Variants in SLC4A2 observed in about 807,000 individuals in gnomAD.
The protein encoded by SLC4A2 is solute carrier family 4 member 2.
In SLC4A2, 36 loss-of-function variants were observed where a neutral mutation model predicts 115.0. That is an observed-to-expected ratio of 0.31 (90% confidence interval 0.24 to 0.41). SLC4A2 has a LOEUF of 0.41. Ranked by LOEUF, SLC4A2 falls within the 10% of genes least tolerant of loss-of-function variation. The probability of loss-of-function intolerance (pLI) is 1.00; values close to 1 mark genes in which losing one functional copy is unlikely to be tolerated. For missense variants in SLC4A2, 1,252 were observed against 1,705.6 expected, an observed-to-expected ratio of 0.73 and a Z score of 4.68; for synonymous variants, 708 against 708.3, an observed-to-expected ratio of 1.00 and a Z score of 0.01.
At chr7:151,066,257 G>A (rs1797226472) in intron 5 of SLC4A2, among the ~76,000 whole-genome samples, 1 of 152,272 alleles carries the variant, frequency 6.6e-6, no homozygotes, top group Non-Finnish European at 1.5e-5. Flanking sequence ...AGGAGCAGTT[G>A]ACGTTCGCAG....
intron 8 of SLC4A2, 92 bp from the exon 9 acceptor site, chr7:151,069,855 C>G: frequency 6.6e-7 from 1 of 1,515,836 alleles, no homozygotes; most frequent in Non-Finnish European, 9.1e-7. Context: ...CCGGCACCCA[C>G]CCACCTGTCC....
chr7:151,075,830 C>T (rs11766855), intron 21 of SLC4A2, 55 bp downstream of exon 21: 277,072 of 1,556,726 alleles, frequency 0.18, 26,524 homozygotes, highest in South Asian at 0.27. Flanking sequence ...TCCTGGTCTA[C>T]TTGGGTCACT....
Position 151,070,211 on chromosome 7 carries a change from C to G in SLC4A2, c.1314C>G (p.Phe438Leu). 1 of 1,614,146 alleles carries G rather than the reference C, an allele frequency of 6.2e-7. No individual in the cohort carries two copies. Among genetic ancestry groups the G allele is most frequent in the Non-Finnish European group, 8.5e-7 (1 of 1,180,040 alleles). Residue 438 changes from phenylalanine to leucine, a missense_variant, in exon 10 of 23, where the codon TTC (phenylalanine) becomes TTG (leucine). By Grantham distance (22) the Phe-to-Leu change is conservative. Transcript: ENST00000413384. ...CAAGTGATGAGAAGGACTTCTCCTTCCCCCGCAACATCTCAGCTGGCTCCC... is the reference window on the plus strand; with the variant it reads ...CAAGTGATGAGAAGGACTTCTCCTTGCCCCGCAACATCTCAGCTGGCTCCC... ...SHPSDEKDFS[F>L]PRNISAGSLG...
chr7:151,060,922 GTTGTTGGGTACCGTCACTTT>G lies in SLC4A2; in HGVS notation c.-63-999_-63-980del, dbSNP rs1563335968. ...CCCCAGCAACACACTGGGAGCATGG[GTTGTTGGGTACCGTCACTTT>G]TTGCCAGTCTTGGGTGCCCCCTGTG... is the stretch of plus-strand genomic sequence containing the variant. On this transcript the variant is annotated intron_variant, in intron 1 of 22. Coordinates refer to ENST00000413384, the MANE Select transcript of SLC4A2 (RefSeq NM_003040.4). The surrounding 1 kb of genome is among the most constrained non-coding windows in gnomAD (Gnocchi z 5.9). Among the ~76,000 whole-genome samples, 1 of 152,172 alleles carries G rather than the reference GTTGTTGGGTACCGTCACTTT, an allele frequency of 6.6e-6. No individual in the cohort carries two copies. The highest frequency in any genetic ancestry group is 1.9e-4 in the East Asian group (1 of 5,198).
rs1482490306 is a variant in SLC4A2, at chr7:151,067,983, G to A, written c.1076G>A (p.Arg359His). The A allele has an allele frequency of 1.9e-6, 3 of 1,604,538 alleles. No individual in the cohort carries two copies. The highest frequency in any genetic ancestry group is 2.5e-6 in the Non-Finnish European group (3 of 1,176,892). Residue 359 changes from arginine to histidine, a missense_variant, in exon 8 of 23, where the codon CGC (arginine) becomes CAC (histidine). Around this residue, in one of 14 missense-constraint regions of SLC4A2, gnomAD observed 29 missense variants for 80.9 expected, o/e 0.36. Transcript: ENST00000413384. Reference sequence around the variant, plus strand: ...GAGGACGTGGAGGAGGAGACTGAGCGCTGGGGGAAGCCCCACGTGGCCTCC... The same window carrying A: ...GAGGACGTGGAGGAGGAGACTGAGCACTGGGGGAAGCCCCACGTGGCCTCC... ...FEEDVEEETE[R>H]WGKPHVASLS...
chr7:151,069,577 G>C (rs1051166211), intron 8 of SLC4A2, among the ~76,000 whole-genome samples: 14 of 152,192 alleles, frequency 9.2e-5, no homozygotes, highest in Admixed American at 3.3e-4. Context: ...CTCACTTAGA[G>C]GAGAGTTTTC....
In SLC4A2 at chr7:151,072,083, G is replaced by A. The variant is rs1412099275; in HGVS notation, c.2482G>A (p.Ala828Thr). The change falls in exon 16 of 23, where the codon GCC becomes ACC. Residue 828 changes from alanine to threonine, a missense_variant. Transcript: ENST00000413384. ...FVSRFTQEIFAFLISLIFIYE... is the reference protein window; with the variant it reads ...FVSRFTQEIFTFLISLIFIYE... The stretch of plus-strand genomic sequence containing the variant: ...CTCCCGCTTCACCCAGGAGATCTTC[G>A]CCTTCTTGATCTCACTCATCTTCAT... 4 of 1,614,024 alleles carry A rather than the reference G, an allele frequency of 2.5e-6. No homozygotes were observed. The highest frequency in any genetic ancestry group is 2.2e-5 in the East Asian group (1 of 44,862).
At chr7:151,067,601 C>T (rs1220210424) in intron 7 of SLC4A2, among the ~76,000 whole-genome samples, 4 of 152,368 alleles carry the variant, frequency 2.6e-5, no homozygotes, top group African/African-American at 4.8e-5. Flanking sequence ...CTCTGAGGCA[C>T]GTAGCGTGCC....
intron 3 of SLC4A2, 31 bp downstream of exon 3, chr7:151,064,398 G>T: frequency 6.5e-7 from 1 of 1,535,052 alleles, no homozygotes; most frequent in South Asian, 1.2e-5. Flanking sequence ...GGGGGAGGTG[G>T]GGGGATCAGG....
Position 151,067,982 on chromosome 7 carries a change from C to T in SLC4A2, c.1075C>T (p.Arg359Cys), listed in dbSNP as rs2150371668. The T allele has an allele frequency of 5.6e-6, 9 of 1,604,842 alleles. No homozygotes were observed. The highest frequency in any genetic ancestry group is 2.3e-5 in the East Asian group (1 of 44,242). Reference sequence around the variant, plus strand: ...AGAGGACGTGGAGGAGGAGACTGAGCGCTGGGGGAAGCCCCACGTGGCCTC... The same window carrying T: ...AGAGGACGTGGAGGAGGAGACTGAGTGCTGGGGGAAGCCCCACGTGGCCTC... ...FEEDVEEETE[R>C]WGKPHVASLS... Residue 359 changes from arginine (R) to cysteine (C), a missense_variant, in exon 8 of 23, where the codon CGC (arginine) becomes TGC (cysteine). Around this residue, in one of 14 missense-constraint regions of SLC4A2, gnomAD observed 29 missense variants for 80.9 expected, o/e 0.36. Coordinates refer to ENST00000413384, the MANE Select transcript of SLC4A2 (RefSeq NM_003040.4).
Position 151,060,588 on chromosome 7 carries a change from A to AGCAGGGGAGGGGGT in SLC4A2, c.-64+831_-64+844dup, listed in dbSNP as rs1797011465. ...CAGAAGCTGCTTTGTGTTCTGGGAC[A>AGCAGGGGAGGGGGT]GCAGGGGAGGGGGTGCAGAGGAGTG... On this transcript the variant is annotated intron_variant, in intron 1 of 22. Transcript: ENST00000413384. The surrounding 1 kb of genome is among the most constrained non-coding windows in gnomAD (Gnocchi z 5.9). 6.6e-6 allele frequency among the ~76,000 whole-genome samples: 1 copy of AGCAGGGGAGGGGGT among 152,170 alleles called. No homozygotes were observed. Among genetic ancestry groups the AGCAGGGGAGGGGGT allele is most frequent in the Non-Finnish European group, 1.5e-5 (1 of 68,026 alleles).
chr7:151,062,894 C>T, intron 2 of SLC4A2: 1 of 1,393,438 alleles, frequency 7.2e-7, no homozygotes, highest in Non-Finnish European at 9.3e-7. Context: ...CACCTCGCCC[C>T]TAAGACCCGC....
Position 151,076,234 on chromosome 7 carries a change from A to C in SLC4A2, c.3645+48A>C, listed in dbSNP as rs576031480. ...CCCGGTTCCTCTTGCCTCCCTGTGG[A>C]TCTGGAAAGGCCCCCCCACTTCCCT... is the stretch of plus-strand genomic sequence containing the variant. On this transcript the variant is annotated intron_variant, in intron 22 of 22. Coordinates refer to ENST00000413384, the MANE Select transcript of SLC4A2 (RefSeq NM_003040.4). 4.4e-6 allele frequency: 7 copies of C among 1,601,676 alleles called. No individual in the cohort carries two copies. The African/African-American group carries it at 9.4e-5, about 21-fold the overall frequency.
At chr7:151,075,847 C>G (rs1441557498) in intron 21 of SLC4A2, 72 bp downstream of exon 21, 1 of 1,500,966 alleles carries the variant, frequency 6.7e-7, no homozygotes, top group African/African-American at 1.4e-5. Flanking sequence ...CACTCTCCAG[C>G]TGCCCCCTCC....
Position 151,071,519 on chromosome 7 carries a change from A to G in SLC4A2, c.2105A>G (p.Asp702Gly). ...CCCCACTACCTGAGTGACTTCCGAG[A>G]TGCACTTGACCCTCAGTGCCTGGCC... ...RYPHYLSDFR[D>G]ALDPQCLAAV... Residue 702 changes from aspartate to glycine, a missense_variant, in exon 14 of 23, where the codon GAT (aspartate) becomes GGT (glycine). Physicochemically the swap from Asp to Gly is moderately conservative, Grantham distance 94. Transcript: ENST00000413384. The surrounding 1 kb of genome is among the most constrained non-coding windows in gnomAD (Gnocchi z 5.5). The G allele has an allele frequency of 6.2e-7, 1 of 1,613,812 alleles. No individual in the cohort carries two copies. Among genetic ancestry groups the G allele is most frequent in the Non-Finnish European group, 8.5e-7 (1 of 1,179,958 alleles).
Position 151,071,334 on chromosome 7 carries a change from A to C in SLC4A2, c.1975+37A>C. 6.5e-7 allele frequency: 1 copy of C among 1,543,860 alleles called. No individual in the cohort carries two copies. The highest frequency in any genetic ancestry group is 8.7e-7 in the Non-Finnish European group (1 of 1,147,778). The stretch of plus-strand genomic sequence containing the variant: ...GCGGGCTGGGGCCAGGGCTGCCTCG[A>C]GGGGGTGAGGTGGGCAAGAGGGGCT... On this transcript the variant is annotated intron_variant, in intron 13 of 22. Transcript: ENST00000413384. This position sits in a 1 kb window ranked among gnomAD's most constrained non-coding sequence, Gnocchi z 5.5.
rs1259883948 is a variant in SLC4A2, at chr7:151,066,537, AGGCGGAGGCGGT to A, written c.605_616del (p.Glu202_Ala205del). ...CCTAGAACCCAGGTGGAGGAGGCGGAGGCGGAGGCGGTGGCGGTGGCCAGTGGCACTGCAGGG... is the reference window on the plus strand; with the variant it reads ...CCTAGAACCCAGGTGGAGGAGGCGGAGGCGGTGGCCAGTGGCACTGCAGGG... On this transcript the variant is annotated inframe_deletion, in exon 6 of 23. Coordinates refer to ENST00000413384, the MANE Select transcript of SLC4A2 (RefSeq NM_003040.4). 9 of 1,531,686 alleles carry A rather than the reference AGGCGGAGGCGGT, an allele frequency of 5.9e-6. No individual in the cohort carries two copies. Among genetic ancestry groups the A allele is most frequent in the African/African-American group, 1.4e-5 (1 of 72,448 alleles). 94.9% of individuals were successfully genotyped at this position (1,531,686 alleles called of 1,614,324 possible).
At chr7:151,064,057 T>C (rs534271056) in intron 2 of SLC4A2, 145 bp from the exon 3 acceptor site, 28 of 728,890 alleles carry the variant, frequency 3.8e-5, no homozygotes, top group Non-Finnish European at 6.3e-5. Flanking sequence ...GGACAGCTGC[T>C]GGGGGCATAT....
chr7:151,059,510 A>T (rs940034651), upstream of SLC4A2: 62 of 144,740 alleles, frequency 4.3e-4, no homozygotes, highest in African/African-American at 1.5e-3. The surrounding 1 kb of genome is among the most constrained non-coding windows in gnomAD (Gnocchi z 5.8). Context: ...CTGTGCCTGG[A>T]AGCGCGCCCC....
Sources: allele counts gnomAD v4.1 joint callset (sites outside exome capture counted in the v4.1 genomes callset), GRCh38; gene constraint gnomAD v4.1.1; regional missense constraint gnomAD v4.1.1; non-coding constraint Gnocchi (gnomAD v3.1); transcripts MANE v1.5; gene names NCBI Gene and HGNC (gene_info 2026-07-23, HGNC 2026-07-21).